The following COL24A1 variants were observed in gnomAD, a reference collection of about 807,000 sequenced individuals.
COL24A1 encodes the protein collagen type XXIV alpha 1 chain.
COL24A1 carries 224 observed loss-of-function variants against 253.9 expected under a neutral mutation model. The ratio of observed to expected loss-of-function variants is 0.88; its 90% CI spans 0.79 to 0.99. The LOEUF is 0.99. COL24A1 is among the 50% of genes least tolerant of loss of function. The pLI, the probability that COL24A1 is intolerant of heterozygous loss-of-function variation, is 0.00. For synonymous variants in COL24A1, 685 were observed against 673.7 expected (o/e 1.02, Z -0.26); for missense variants, 2,131 against 2,068.5 (o/e 1.03, Z -0.59).
intron 2 of COL24A1, among the ~76,000 whole-genome samples, chr1:86,144,926 G>A (rs1378100872): frequency 6.6e-6 from 1 of 152,190 alleles, no homozygotes; most frequent in East Asian, 1.9e-4. Flanking sequence ...AAGAGAGAGA[G>A]TTTTTCTCCT....
chr1:86,101,540 T>G (rs1258757154), intron 5 of COL24A1, among the ~76,000 whole-genome samples: 1 of 152,208 alleles, frequency 6.6e-6, no homozygotes, highest in East Asian at 1.9e-4. Flanking sequence ...ATATGGTTCT[T>G]ATTATTTTGA....
At chr1:86,056,275 A>G (rs1700656728) in intron 10 of COL24A1, among the ~76,000 whole-genome samples, 1 of 152,180 alleles carries the variant, frequency 6.6e-6, no homozygotes. Context: ...TGCAAGAACA[A>G]AGACAGCATG....
At chr1:85,905,242 G>A (rs539395087) in intron 28 of COL24A1, among the ~76,000 whole-genome samples, 1 of 152,236 alleles carries the variant, frequency 6.6e-6, no homozygotes, top group South Asian at 2.1e-4. Context: ...ACAGGAATCT[G>A]CAGCTAGGTC....
At chr1:85,987,991 T>C (rs1213633695) in intron 19 of COL24A1, among the ~76,000 whole-genome samples, 3 of 151,836 alleles carry the variant, frequency 2.0e-5, no homozygotes, top group East Asian at 1.9e-4. Flanking sequence ...ATATGGGATA[T>C]AGGGCTACCA....
chr1:86,048,451 T>C (rs1250509003), intron 11 of COL24A1, among the ~76,000 whole-genome samples: 1 of 152,086 alleles, frequency 6.6e-6, no homozygotes, highest in African/African-American at 2.4e-5. Context: ...GGGCCCAATA[T>C]CACAAACTGA....
chr1:85,889,716 C>T, intron 31 of COL24A1, 103 bp from the exon 32 acceptor site: 1 of 899,164 alleles, frequency 1.1e-6, no homozygotes, highest in East Asian at 2.5e-5. Context: ...CCCAACTTTT[C>T]TGTCTATTGC....
At chr1:85,764,474 A>G (rs1667159915) in intron 53 of COL24A1, among the ~76,000 whole-genome samples, 1 of 147,728 alleles carries the variant, frequency 6.8e-6, no homozygotes, top group South Asian at 2.3e-4. Context: ...ACACACACAC[A>G]CACACACACA....
At chr1:86,077,548 T>C (rs777306660) in intron 7 of COL24A1, among the ~76,000 whole-genome samples, 1 of 152,190 alleles carries the variant, frequency 6.6e-6, no homozygotes, top group African/African-American at 2.4e-5. Flanking sequence ...CATATGTTTA[T>C]TGCAGCACTA....
intron 7 of COL24A1, among the ~76,000 whole-genome samples, chr1:86,085,630 G>A (rs1020118517): frequency 5.3e-5 from 8 of 152,076 alleles, no homozygotes; most frequent in African/African-American, 1.7e-4. Flanking sequence ...GATTCCAAAC[G>A]CAGAATTAGG....
chr1:85,842,439 T>G, intron 39 of COL24A1, 46 bp from the exon 40 acceptor site: 1 of 1,262,324 alleles, frequency 7.9e-7, no homozygotes, highest in Non-Finnish European at 1.1e-6. Flanking sequence ...AGTAAAGAAT[T>G]GTTTAAATCA....
intron 24 of COL24A1, among the ~76,000 whole-genome samples, chr1:85,951,348 G>T (rs1465832668): frequency 1.3e-5 from 2 of 152,140 alleles, no homozygotes; most frequent in Non-Finnish European, 2.9e-5. Flanking sequence ...AATCTAACTG[G>T]GCGTGGAGAT....
intron 28 of COL24A1, among the ~76,000 whole-genome samples, chr1:85,898,809 C>G (rs1684011940): frequency 6.6e-6 from 1 of 152,000 alleles, no homozygotes; most frequent in South Asian, 2.1e-4. Context: ...TGAAGAAAAA[C>G]AAAGAACTAG....
chr1:85,952,894 T>C (rs974590984), intron 24 of COL24A1, among the ~76,000 whole-genome samples: 38 of 152,166 alleles, frequency 2.5e-4, no homozygotes, highest in Admixed American at 2.5e-3. Flanking sequence ...GTCCTTAATA[T>C]TTTTTTAGAA....
At chr1:85,901,636 C>A (rs1313972939) in intron 28 of COL24A1, among the ~76,000 whole-genome samples, 1 of 151,650 alleles carries the variant, frequency 6.6e-6, no homozygotes, top group African/African-American at 2.4e-5. Flanking sequence ...CATGGTGAAA[C>A]CCCATCTCTA....
At chr1:85,842,604 G>GT (rs1274110366) in intron 39 of COL24A1, among the ~76,000 whole-genome samples, 6 of 150,956 alleles carry the variant, frequency 4.0e-5, no homozygotes, top group African/African-American at 1.5e-4. Context: ...TGTCTTTTTG[G>GT]TTTACTTCTG....
chr1:86,156,712 CG>C lies in COL24A1; in HGVS notation c.-317del, dbSNP rs1026037870. On this transcript the variant is annotated 5_prime_UTR_variant, in exon 1 of 60. Transcript: ENST00000370571. ...TCGGGGCGCCGGCGGCAGCGGGAGC[CG>C]GGCTGCTAGTGCAGCACTCAAGTTC... 1 of 232,580 alleles carries C rather than the reference CG, an allele frequency of 4.3e-6. No homozygotes were observed. The highest frequency in any genetic ancestry group is 2.3e-5 in the African/African-American group (1 of 43,904). 14.4% of individuals were successfully genotyped at this position (232,580 alleles called of 1,614,324 possible).
chr1:85,972,995 G>C (rs1558856937), intron 20 of COL24A1, among the ~76,000 whole-genome samples: 2 of 152,164 alleles, frequency 1.3e-5, no homozygotes, highest in Non-Finnish European at 2.9e-5. Context: ...ATTTATGTAA[G>C]CCTGTTTAAG....
rs187211617 is a variant in COL24A1, at chr1:86,056,339, A to G, written c.1851+1592T>C. Among the ~76,000 whole-genome samples the G allele has an allele frequency of 3.8e-4, 58 of 152,320 alleles. 1 individual carries two copies. The Middle Eastern group carries it at 0.01, about 27-fold the overall frequency. ...GTGAAAAGACATTGGTTCTAGTTCTAGCCAGCTATAACTTTGCCAGATCAA... is the reference window on the plus strand; with the variant it reads ...GTGAAAAGACATTGGTTCTAGTTCTGGCCAGCTATAACTTTGCCAGATCAA... On this transcript the variant is annotated intron_variant, in intron 10 of 59. Coordinates refer to ENST00000370571, the MANE Select transcript of COL24A1 (RefSeq NM_152890.7).
At chr1:85,977,280 G>T (rs481277) in intron 20 of COL24A1, among the ~76,000 whole-genome samples, 79,327 of 151,922 alleles carry the variant, frequency 0.52, 21,103 homozygotes, top group Admixed American at 0.58. Context: ...GAAGGAACCA[G>T]AAAAGTAATT....
Sources: gnomAD v4.1 joint callset for allele counts (sites outside exome capture counted in the v4.1 genomes callset) on GRCh38, gnomAD v4.1.1 for gene constraint, MANE v1.5 for transcripts, NCBI Gene and HGNC (gene_info 2026-07-23, HGNC 2026-07-21) for gene names.